LAMA1: variants seen among roughly 807,000 people sequenced by gnomAD.
LAMA1 encodes the protein laminin subunit alpha-1.
A neutral mutation model predicts 348.7 loss-of-function variants in LAMA1; 219 were observed. The ratio of observed to expected loss-of-function variants is 0.63; its 90% CI spans 0.56 to 0.70. The LOEUF is 0.70. Ranked by LOEUF, LAMA1 falls within the 30% of genes least tolerant of loss-of-function variation. The pLI is 0.00. For synonymous variants in LAMA1, 1,487 were observed against 1,491.0 expected (o/e 1.00, Z 0.06); for missense variants, 3,744 against 3,888.0 (o/e 0.96, Z 0.99).
chr18:7,051,072 G>T, intron 3 of LAMA1, 136 bp from the exon 4 acceptor site: 3 of 1,139,066 alleles, frequency 2.6e-6, no homozygotes, highest in African/African-American at 3.1e-5. Flanking sequence ...AATGGTGGCT[G>T]CCATGAGGTG....
chr18:7,071,659 G>A (rs891776771), intron 3 of LAMA1, among the ~76,000 whole-genome samples: 3 of 152,190 alleles, frequency 2.0e-5, no homozygotes, highest in African/African-American at 4.8e-5. Flanking sequence ...GTTATACTGG[G>A]AAATGTTCAT....
chr18:7,007,925 A>C (rs1375156202), intron 28 of LAMA1, among the ~76,000 whole-genome samples: 1 of 151,556 alleles, frequency 6.6e-6, no homozygotes, highest in Non-Finnish European at 1.5e-5. Flanking sequence ...TTATTTATTT[A>C]TTTATTTATT....
At chr18:7,065,900 G>T (rs1444876760) in intron 3 of LAMA1, among the ~76,000 whole-genome samples, 1 of 152,196 alleles carries the variant, frequency 6.6e-6, no homozygotes, top group East Asian at 1.9e-4. Context: ...TCAGGCCAGA[G>T]CGAGTCAGTG....
rs991061702 is a variant in LAMA1 at position 6,965,335 on chromosome 18, T to C, written c.7148A>G (p.Asn2383Ser). The change falls in exon 50 of 63, where the codon AAC becomes AGC. Residue 2383 changes from asparagine (N) to serine (S), a missense_variant. Coordinates refer to ENST00000389658, the MANE Select transcript of LAMA1 (RefSeq NM_005559.4). ...GGCAATTTTGTACCAGGTTCCATTG[T>C]TATAACGTCTGTCTGTCAAAAGGGT... ...PITLLTDRRY[N>S]NGTWYKIAFQ... The C allele has an allele frequency of 6.8e-6, 11 of 1,614,242 alleles. No individual in the cohort carries two copies. The highest frequency in any genetic ancestry group is 6.8e-6 in the Non-Finnish European group (8 of 1,180,036).
At chr18:7,114,881 T>C (rs772391456) in intron 1 of LAMA1, among the ~76,000 whole-genome samples, 52 of 152,316 alleles carry the variant, frequency 3.4e-4, no homozygotes, top group Non-Finnish European at 6.3e-4. Context: ...AGCAGTGCAA[T>C]TATAAAGCAG....
chr18:7,002,270 G>T lies in LAMA1; in HGVS notation c.4376C>A (p.Pro1459His), dbSNP rs1171944782. The change falls in exon 30 of 63, where the codon CCT (proline) becomes CAT (histidine). Residue 1459 changes from proline (P) to histidine (H), a missense_variant. This residue lies in a region of LAMA1 where 1,983 missense variants were observed against 1,934.3 expected (regional missense o/e 1.03). Transcript: ENST00000389658. ...CALCACPHSP[P>H]ASFSPTCVLE... is the part of the protein sequence containing the mutation. ...TGCCCCTGTGGGGACTCACCTGGCAGGAGGGCTGTGAGGACAGGCACACAG... is the reference window on the plus strand; with the variant it reads ...TGCCCCTGTGGGGACTCACCTGGCATGAGGGCTGTGAGGACAGGCACACAG... 6.2e-7 allele frequency: 1 copy of T among 1,612,056 alleles called. No individual in the cohort carries two copies. The highest frequency in any genetic ancestry group is 1.1e-5 in the South Asian group (1 of 91,082).
intron 3 of LAMA1, among the ~76,000 whole-genome samples, chr18:7,054,629 C>CGT (rs1199078136): frequency 6.6e-6 from 1 of 152,004 alleles, no homozygotes; most frequent in African/African-American, 2.4e-5. Flanking sequence ...GACCTCTAAA[C>CGT]GTGTGTGTGT....
chr18:7,048,997 AG>A, intron 5 of LAMA1, 80 bp downstream of exon 5: 1 of 1,393,230 alleles, frequency 7.2e-7, no homozygotes, highest in Non-Finnish European at 1.0e-6. Flanking sequence ...ACAACCAAAA[AG>A]GAAAGAAGAA....
At chr18:7,003,651 A>G (rs2057818781) in intron 29 of LAMA1, among the ~76,000 whole-genome samples, 1 of 152,090 alleles carries the variant, frequency 6.6e-6, no homozygotes, top group African/African-American at 2.4e-5. Context: ...ATCTCTATTT[A>G]CTCAGCCACT....
At chr18:7,045,436 C>T (rs2144191477) in intron 6 of LAMA1, among the ~76,000 whole-genome samples, 1 of 152,112 alleles carries the variant, frequency 6.6e-6, no homozygotes, top group Non-Finnish European at 1.5e-5. Flanking sequence ...CACCACTGCA[C>T]TCCAGCATGG....
At chr18:7,038,647 C>A in intron 11 of LAMA1, 163 bp downstream of exon 11, 1 of 901,676 alleles carries the variant, frequency 1.1e-6, no homozygotes, top group South Asian at 1.4e-5. Flanking sequence ...TATAAAGAAT[C>A]TTGAGAGGCA....
intron 29 of LAMA1, 144 bp downstream of exon 29, chr18:7,006,995 C>A (rs2057835053): frequency 2.4e-6 from 3 of 1,271,612 alleles, no homozygotes; most frequent in Non-Finnish European, 2.2e-6. Context: ...ATGCCGTCCT[C>A]AAGGAAATAG....
Position 6,985,903 on chromosome 18 carries a change from C to T in LAMA1, c.5379+234G>A, listed in dbSNP as rs548870054. 4.6e-5 allele frequency among the ~76,000 whole-genome samples: 7 copies of T among 152,158 alleles called. No individual in the cohort carries two copies. The South Asian group carries it at 1.0e-3, about 23-fold the overall frequency. ...CCTCCCGAGTAGCTGGGACTACAGG[C>T]GCATGCCACCACGCCCAGCTAATTT... On this transcript the variant is annotated intron_variant, in intron 37 of 62. Coordinates refer to ENST00000389658, the MANE Select transcript of LAMA1 (RefSeq NM_005559.4).
chr18:7,093,260 T>C (rs550880447), intron 1 of LAMA1, among the ~76,000 whole-genome samples: 9 of 151,872 alleles, frequency 5.9e-5, no homozygotes, highest in South Asian at 2.1e-4. Context: ...ACTAAAAATA[T>C]AAAAAATTAG....
At chr18:6,980,724 C>A (rs538025747) in intron 41 of LAMA1, 87 bp from the exon 42 acceptor site, 2 of 749,126 alleles carry the variant, frequency 2.7e-6, no homozygotes, top group African/African-American at 3.4e-5. Flanking sequence ...TGACCATCGA[C>A]AGAATTCATA....
rs768845981 is a variant in LAMA1, at chr18:6,962,075, T to A, written c.7338-16A>T. On this transcript the variant is annotated splice_polypyrimidine_tract_variant and intron_variant, in intron 51 of 62. Coordinates refer to ENST00000389658, the MANE Select transcript of LAMA1 (RefSeq NM_005559.4). The stretch of plus-strand genomic sequence containing the variant: ...GACACCTCTCCTGTAGGGAAGGGCA[T>A]GAGAACAATCACAAAATTTGGGTTT... The A allele has an allele frequency of 6.3e-7, 1 of 1,578,268 alleles. No homozygotes were observed. Among genetic ancestry groups the A allele is most frequent in the South Asian group, 1.1e-5 (1 of 90,364 alleles).
intron 22 of LAMA1, among the ~76,000 whole-genome samples, chr18:7,015,183 A>G (rs748494282): frequency 3.9e-5 from 6 of 152,188 alleles, no homozygotes; most frequent in Non-Finnish European, 5.9e-5. Flanking sequence ...TGCAACAACT[A>G]GGTTCTTGAA....
chr18:7,018,676 T>A (rs1600397266), intron 19 of LAMA1, among the ~76,000 whole-genome samples: 1 of 152,134 alleles, frequency 6.6e-6, no homozygotes, highest in Non-Finnish European at 1.5e-5. Context: ...ATTACAGGCG[T>A]GAGCCACCGC....
chr18:7,074,450 A>G (rs2058158903), intron 3 of LAMA1, among the ~76,000 whole-genome samples: 1 of 152,200 alleles, frequency 6.6e-6, no homozygotes. Context: ...CGTGGAACCT[A>G]TAGGATTTTG....
Sources: allele counts gnomAD v4.1 joint callset (sites outside exome capture counted in the v4.1 genomes callset), GRCh38; gene constraint gnomAD v4.1.1; regional missense constraint gnomAD v4.1.1; transcripts MANE v1.5; gene names NCBI Gene and HGNC (gene_info 2026-07-23, HGNC 2026-07-21).